The following SGCE variants were observed in gnomAD, a reference collection of about 807,000 sequenced individuals.
SGCE encodes epsilon-sarcoglycan.
Under a neutral mutation model 57.8 loss-of-function variants are expected in SGCE, and 26 were observed. That is an observed-to-expected ratio of 0.45 (90% confidence interval 0.33 to 0.62). The LOEUF (loss-of-function observed/expected upper bound fraction) is 0.62, where lower values mean the gene tolerates loss of function less well. SGCE is among the 20% of genes least tolerant of loss of function. The probability of loss-of-function intolerance (pLI) is 0.02; values close to 1 mark genes in which losing one functional copy is unlikely to be tolerated. For missense variants in SGCE, 468 were observed against 548.6 expected (o/e 0.85, Z 1.47); for synonymous variants, 183 against 189.5 (o/e 0.97, Z 0.28).
intron 8 of SGCE, 164 bp downstream of exon 8, chr7:94,599,533 A>G: frequency 3.1e-6 from 2 of 639,660 alleles, no homozygotes; most frequent in Non-Finnish European, 5.6e-6. Context: ...TTTAGTTTCT[A>G]CCCCTCCTAA....
chr7:94,614,256 A>G (rs1801546258), intron 5 of SGCE, among the ~76,000 whole-genome samples: 1 of 152,100 alleles, frequency 6.6e-6, no homozygotes, highest in Non-Finnish European at 1.5e-5. Flanking sequence ...CCTCTTGTTC[A>G]TGTATCCTCT....
intron 9 of SGCE, chr7:94,598,475 T>A: frequency 3.0e-6 from 1 of 331,318 alleles, no homozygotes; most frequent in South Asian, 3.5e-5. Context: ...GTTCTTTTTT[T>A]TATAATTAAC....
At position 94,584,982 on chromosome 7, in the gene SGCE, A is replaced by G. The variant is rs1325496997; in HGVS notation, c.*517T>C. On this transcript the variant is annotated 3_prime_UTR_variant, in exon 11 of 11. Coordinates refer to ENST00000648936, the MANE Select transcript of SGCE (RefSeq NM_003919.3). ...CATCAGTTTCACAATCCATAAAACT[A>G]GGTTTATTCGAAAACACTCCCAAGT... is the stretch of plus-strand genomic sequence containing the variant. The G allele has an allele frequency of 1.3e-5, 2 of 153,220 alleles. No individual in the cohort carries two copies. Among genetic ancestry groups the G allele is most frequent in the Non-Finnish European group, 2.9e-5 (2 of 68,786 alleles). 9.5% of individuals were successfully genotyped at this position (153,220 alleles called of 1,614,324 possible).
intron 7 of SGCE, chr7:94,600,251 A>AT (rs1236629495): frequency 4.8e-6 from 1 of 208,672 alleles, no homozygotes; most frequent in Non-Finnish European, 9.7e-6. Flanking sequence ...CAGCAGAATG[A>AT]TTTCAAGAGT....
At chr7:94,599,748 AT>A in intron 7 of SGCE, 25 bp from the exon 8 acceptor site, 1 of 1,463,026 alleles carries the variant, frequency 6.8e-7, no homozygotes, top group South Asian at 1.1e-5. Flanking sequence ...AAATTTATGA[AT>A]TAAATAATAG....
At chr7:94,613,532 C>G (rs934567025) in intron 5 of SGCE, among the ~76,000 whole-genome samples, 1 of 152,134 alleles carries the variant, frequency 6.6e-6, no homozygotes, top group African/African-American at 2.4e-5. Context: ...CTGGAGTGCA[C>G]TAGATAGAGT....
chr7:94,621,892 T>TC (rs1419922164), intron 4 of SGCE: 2 of 152,302 alleles, frequency 1.3e-5, no homozygotes, highest in East Asian at 3.9e-4. Flanking sequence ...GAGTCTTCAG[T>TC]CCAGGCCCAC....
At chr7:94,633,679 G>A (rs1805086294) in intron 1 of SGCE, among the ~76,000 whole-genome samples, 1 of 152,072 alleles carries the variant, frequency 6.6e-6, no homozygotes, top group Non-Finnish European at 1.5e-5. Flanking sequence ...TTTACTAATA[G>A]TCCAGTGGAA....
chr7:94,645,739 A>G (rs1036621779), intron 1 of SGCE, among the ~76,000 whole-genome samples: 12 of 152,184 alleles, frequency 7.9e-5, no homozygotes, highest in Admixed American at 4.6e-4. Context: ...ACTGTTGAGT[A>G]TTAAATGACA....
intron 1 of SGCE, among the ~76,000 whole-genome samples, chr7:94,647,037 T>G (rs1489267831): frequency 6.6e-6 from 1 of 152,226 alleles, no homozygotes; most frequent in Non-Finnish European, 1.5e-5. Flanking sequence ...TACCGTGCTC[T>G]TTTTTGCATA....
At chr7:94,595,691 A>T (rs1562794498) in intron 9 of SGCE, among the ~76,000 whole-genome samples, 1 of 152,134 alleles carries the variant, frequency 6.6e-6, no homozygotes, top group Non-Finnish European at 1.5e-5. Flanking sequence ...TTTAAAACAT[A>T]GCTGTTTTTC....
chr7:94,601,552 A>T (rs1799273026), intron 6 of SGCE, among the ~76,000 whole-genome samples: 1 of 150,838 alleles, frequency 6.6e-6, no homozygotes, highest in Non-Finnish European at 1.5e-5. Context: ...TAATTATGCT[A>T]AGGTTTTTAT....
At chr7:94,592,652 TTAA>T (rs1310935056) in intron 9 of SGCE, among the ~76,000 whole-genome samples, 2 of 152,228 alleles carry the variant, frequency 1.3e-5, no homozygotes, top group African/African-American at 4.8e-5. Flanking sequence ...AACTTGCAAA[TTAA>T]TAAATAAGTG....
chr7:94,651,453 G>T (rs929917637), intron 1 of SGCE, among the ~76,000 whole-genome samples: 20 of 152,064 alleles, frequency 1.3e-4, no homozygotes, highest in African/African-American at 4.8e-4. Flanking sequence ...TATACACCTC[G>T]CCGGTGCTGG....
Position 94,618,801 on chromosome 7 carries a change from T to A in SGCE, c.619A>T (p.Arg207Trp). 1 of 1,614,062 alleles carries A rather than the reference T, an allele frequency of 6.2e-7. No individual in the cohort carries two copies. Among genetic ancestry groups the A allele is most frequent in the Non-Finnish European group, 8.5e-7 (1 of 1,179,970 alleles). The part of the protein sequence containing the change: ...NAINITSALD[R>W]GGRVPLPIND... The stretch of plus-strand genomic sequence containing the variant: ...ATGGGAAGTGGCACCCTGCCACCCC[T>A]GTCTAGGGCCGATGTGATGTTTATG... The change falls in exon 5 of 11, where the codon AGG (arginine) becomes TGG (tryptophan). Residue 207 changes from arginine (R) to tryptophan (W), a missense_variant. Coordinates refer to ENST00000648936, the MANE Select transcript of SGCE (RefSeq NM_003919.3).
At chr7:94,647,284 G>C (rs141298378) in intron 1 of SGCE, among the ~76,000 whole-genome samples, 41 of 152,164 alleles carry the variant, frequency 2.7e-4, no homozygotes, top group African/African-American at 9.2e-4. Flanking sequence ...CAGAAATCTG[G>C]AAATCATCCT....
Position 94,648,376 on chromosome 7 carries a change from C to CAAAAAAAAAA in SGCE, c.109+7604_109+7613dup, listed in dbSNP as rs71123907. Among the ~76,000 whole-genome samples the CAAAAAAAAAA allele has an allele frequency of 2.5e-3, 161 of 65,074 alleles. 1 individual carries two copies. Among genetic ancestry groups the CAAAAAAAAAA allele is most frequent in the African/African-American group, 4.2e-3 (66 of 15,666 alleles). 42.7% of individuals were successfully genotyped at this position (65,074 alleles called of 152,430 possible). A position where few individuals can be genotyped will look rare whatever the true frequency, so the allele number is the denominator to read the frequency against. ...GGCAACAAGAACAAAACTCTGTCTC[C>CAAAAAAAAAA]AAAAAAAAAAAAAAAAAAAAAAGAA... On this transcript the variant is annotated intron_variant, in intron 1 of 10. Transcript: ENST00000648936.
chr7:94,639,985 A>C (rs1806144304), intron 1 of SGCE, among the ~76,000 whole-genome samples: 1 of 152,210 alleles, frequency 6.6e-6, no homozygotes, highest in South Asian at 2.1e-4. Flanking sequence ...AGTGGTGCCA[A>C]TTACAAGACA....
intron 3 of SGCE, 106 bp from the exon 4 acceptor site, chr7:94,623,503 AT>A: frequency 1.3e-6 from 1 of 750,022 alleles, no homozygotes; most frequent in African/African-American, 1.8e-5. Context: ...CATTTTCATT[AT>A]TTGTTGATAT....
Sources: allele counts gnomAD v4.1 joint callset (sites outside exome capture counted in the v4.1 genomes callset), GRCh38; gene constraint gnomAD v4.1.1; transcripts MANE v1.5; gene names NCBI Gene and HGNC (gene_info 2026-07-23, HGNC 2026-07-21).